CYP7B1: variants seen among roughly 807,000 people sequenced by gnomAD.
The protein encoded by CYP7B1 is cytochrome P450 7B1.
In CYP7B1, 29 loss-of-function variants were observed where a neutral mutation model predicts 42.7. The ratio of observed to expected loss-of-function variants is 0.68; its 90% CI spans 0.51 to 0.93. The LOEUF is 0.93. CYP7B1 is among the 40% of genes least tolerant of loss of function. The probability of loss-of-function intolerance (pLI) is 0.00; values close to 1 mark genes in which losing one functional copy is unlikely to be tolerated. For missense variants in CYP7B1, 655 were observed against 600.5 expected, an observed-to-expected ratio of 1.09 and a Z score of -0.95; for synonymous variants, 235 against 218.2, an observed-to-expected ratio of 1.08 and a Z score of -0.68.
chr8:64,674,412 C>G (rs1353072202), intron 1 of CYP7B1, among the ~76,000 whole-genome samples: 1 of 152,126 alleles, frequency 6.6e-6, no homozygotes, highest in Non-Finnish European at 1.5e-5. Flanking sequence ...CCACCATACC[C>G]TTGACCTTGT....
chr8:64,736,490 G>A (rs145944326), intron 1 of CYP7B1, among the ~76,000 whole-genome samples: 2,960 of 152,176 alleles, frequency 0.019, 47 homozygotes, highest in South Asian at 0.027. Context: ...TTGCTCTGTT[G>A]CCCAGGCTGG....
At chr8:64,665,787 G>T (rs1806270122) in intron 1 of CYP7B1, among the ~76,000 whole-genome samples, 1 of 151,814 alleles carries the variant, frequency 6.6e-6, no homozygotes, top group Non-Finnish European at 1.5e-5. Flanking sequence ...TGTTGGTCCG[G>T]CTGGTCTCGA....
At chr8:64,778,662 T>C (rs570908941) in intron 1 of CYP7B1, among the ~76,000 whole-genome samples, 2 of 152,252 alleles carry the variant, frequency 1.3e-5, no homozygotes, top group East Asian at 3.9e-4. Flanking sequence ...CCTTCCCCTT[T>C]GATTCCAGGT....
chr8:64,733,458 C>T (rs1051500049), intron 1 of CYP7B1, among the ~76,000 whole-genome samples: 1 of 152,196 alleles, frequency 6.6e-6, no homozygotes, highest in Admixed American at 6.5e-5. Flanking sequence ...GCATTATCTC[C>T]TATCTCCTCA....
At chr8:64,692,959 C>A (rs1156621929) in intron 1 of CYP7B1, among the ~76,000 whole-genome samples, 1 of 152,168 alleles carries the variant, frequency 6.6e-6, no homozygotes, top group African/African-American at 2.4e-5. Context: ...GGAGTCAAAT[C>A]ATTCAAAGCT....
intron 1 of CYP7B1, among the ~76,000 whole-genome samples, chr8:64,695,196 T>A (rs1210789120): frequency 6.6e-6 from 1 of 152,172 alleles, no homozygotes; most frequent in Non-Finnish European, 1.5e-5. Context: ...TCCTCATTTA[T>A]AAACCGGCTC....
intron 1 of CYP7B1, among the ~76,000 whole-genome samples, chr8:64,734,620 G>T (rs1204779274): frequency 6.6e-6 from 1 of 152,142 alleles, no homozygotes; most frequent in Non-Finnish European, 1.5e-5. Context: ...TTTTGAAGGG[G>T]ACATAAACAT....
At chr8:64,657,644 A>G (rs959124155) in intron 1 of CYP7B1, among the ~76,000 whole-genome samples, 1 of 152,218 alleles carries the variant, frequency 6.6e-6, no homozygotes, top group African/African-American at 2.4e-5. Context: ...TAACTACACT[A>G]TGTTTTAAAA....
At position 64,615,876 on chromosome 8, in the gene CYP7B1, T is replaced by G. The variant is rs773668518; in HGVS notation, c.665A>C (p.Lys222Thr). Residue 222 changes from lysine to threonine, a missense_variant, in exon 3 of 6, where the codon AAG becomes ACG. Physicochemically the swap from Lys to Thr is moderately conservative, Grantham distance 78. Transcript: ENST00000310193. ...LRDDFLKFDD[K>T]FAYLVSNIPI... ...TATGTTGGATACTAAATATGCAAACTTGTCATCAAATTTTAAAAAATCATC... is the reference window on the plus strand; with the variant it reads ...TATGTTGGATACTAAATATGCAAACGTGTCATCAAATTTTAAAAAATCATC... 4.0e-5 allele frequency: 65 copies of G among 1,613,628 alleles called. No individual in the cohort carries two copies. The highest frequency in any genetic ancestry group is 5.5e-5 in the Non-Finnish European group (65 of 1,179,806).
chr8:64,691,118 A>G (rs1159892891), intron 1 of CYP7B1, among the ~76,000 whole-genome samples: 1 of 152,216 alleles, frequency 6.6e-6, no homozygotes, highest in East Asian at 1.9e-4. Context: ...TTACTTCAAC[A>G]TTATACAACA....
chr8:64,765,120 TG>T (rs1038308260), intron 1 of CYP7B1, among the ~76,000 whole-genome samples: 2 of 150,802 alleles, frequency 1.3e-5, no homozygotes, highest in Non-Finnish European at 3.0e-5. Context: ...ATTTGCAGGA[TG>T]AAAAAAAAAA....
At position 64,798,638 on chromosome 8, in the gene CYP7B1, C is replaced by T. The variant is rs905643661; in HGVS notation, c.-51G>A. ...CAGCCCGGGGTCTGCCTGCGAACAG[C>T]GCGGTCGGCGACTCTGCAGCCTGCG... On this transcript the variant is annotated 5_prime_UTR_variant, in exon 1 of 6. Transcript: ENST00000310193. The T allele has an allele frequency of 1.3e-5, 19 of 1,438,682 alleles. No individual in the cohort carries two copies. The highest frequency in any genetic ancestry group is 1.6e-5 in the Non-Finnish European group (18 of 1,104,668). The allele number at this position is 1,438,682 out of a possible 1,614,324, so 89.1% of individuals were successfully genotyped here. A position where few individuals can be genotyped will look rare whatever the true frequency, so the allele number is the denominator to read the frequency against.
intron 1 of CYP7B1, among the ~76,000 whole-genome samples, chr8:64,678,331 A>C (rs1263655238): frequency 7.2e-5 from 11 of 152,114 alleles, no homozygotes; most frequent in Non-Finnish European, 1.6e-4. Context: ...TAAAACAGCC[A>C]GATATTGATC....
At chr8:64,706,729 G>C (rs1421238413) in intron 1 of CYP7B1, among the ~76,000 whole-genome samples, 1 of 151,982 alleles carries the variant, frequency 6.6e-6, no homozygotes, top group South Asian at 2.1e-4. Context: ...TCACCACTGA[G>C]AGCAGGAAGA....
At chr8:64,762,854 T>C (rs1807909543) in intron 1 of CYP7B1, among the ~76,000 whole-genome samples, 2 of 152,170 alleles carry the variant, frequency 1.3e-5, no homozygotes, top group Admixed American at 6.5e-5. Context: ...ACTGGGTGAA[T>C]AGTATATGTT....
intron 1 of CYP7B1, among the ~76,000 whole-genome samples, chr8:64,778,781 G>A (rs892047057): frequency 2.0e-5 from 3 of 152,008 alleles, no homozygotes; most frequent in African/African-American, 4.8e-5. Context: ...ATGTCACAAG[G>A]CAACTTCCTG....
chr8:64,782,333 C>T (rs1190192742), intron 1 of CYP7B1, among the ~76,000 whole-genome samples: 1 of 152,110 alleles, frequency 6.6e-6, no homozygotes, highest in African/African-American at 2.4e-5. Flanking sequence ...GAAGGTGGAG[C>T]TCTCACAAAT....
chr8:64,771,047 CTTTTTTTTTTTTTTTTT>C (rs757503820), intron 1 of CYP7B1, among the ~76,000 whole-genome samples: 6 of 42,506 alleles, frequency 1.4e-4, no homozygotes, highest in Admixed American at 4.2e-4. Context: ...ATATCAGCAT[CTTTTTTTTTTTTTTTTT>C]TTTTTTTTTT....
intron 1 of CYP7B1, among the ~76,000 whole-genome samples, chr8:64,729,155 G>A (rs1205154121): frequency 6.6e-6 from 1 of 152,136 alleles, no homozygotes; most frequent in Non-Finnish European, 1.5e-5. Flanking sequence ...TCGATACCCT[G>A]TCTCAGAAAA....
Sources: allele counts gnomAD v4.1 joint callset (sites outside exome capture counted in the v4.1 genomes callset), GRCh38; gene constraint gnomAD v4.1.1; transcripts MANE v1.5; gene names NCBI Gene and HGNC (gene_info 2026-07-23, HGNC 2026-07-21).